Variants in NCOR2 observed in about 807,000 individuals in gnomAD.
NCOR2 encodes CTG repeat protein 26.
In NCOR2, 81 loss-of-function variants were observed where a neutral mutation model predicts 262.9. That is an observed-to-expected ratio of 0.31 (90% CI 0.26 to 0.37). The LOEUF is 0.37. NCOR2 is among the 10% of genes least tolerant of loss of function. The pLI is 1.00. For synonymous variants in NCOR2, 1,659 were observed against 1,559.3 expected (o/e 1.06, Z -1.51); for missense variants, 3,385 against 3,621.4 (o/e 0.93, Z 1.68).
Position 124,350,481 on chromosome 12 carries a change from T to C in NCOR2, c.3844+106A>G, listed in dbSNP as rs181328050. ...GATAAGGAGGTCACCACCTATCAGA[T>C]TGTGCTTTCTGATGTCAATCCAGCC... On this transcript the variant is annotated intron_variant, in intron 28 of 46. Transcript: ENST00000405201. The C allele has an allele frequency of 3.3e-3, 4,655 of 1,428,986 alleles. 188 individuals carry two copies. The highest frequency in any genetic ancestry group is 7.2e-4 in the East Asian group (31 of 43,288). 88.5% of individuals were successfully genotyped at this position (1,428,986 alleles called of 1,614,324 possible). A position where few individuals can be genotyped will look rare whatever the true frequency, so the allele number is the denominator to read the frequency against.
At chr12:124,336,785 A>G in exon 38 of NCOR2, 1 of 1,613,334 alleles carries the variant, frequency 6.2e-7, no homozygotes. Context: ...CTGGATGGAA[A>G]AGGGTTTACT....
At chr12:124,449,575 C>A (rs750033498) in intron 7 of NCOR2, among the ~76,000 whole-genome samples, 1 of 152,188 alleles carries the variant, frequency 6.6e-6, no homozygotes, top group African/African-American at 2.4e-5. Context: ...GCAGCTCCCT[C>A]GCCCACCCTC....
At position 124,346,766 on chromosome 12, in the gene NCOR2, G is replaced by T. The variant is rs757675812; in HGVS notation, c.4157C>A (p.Pro1386His). 9 of 1,558,684 alleles carry T rather than the reference G, an allele frequency of 5.8e-6. No individual in the cohort carries two copies. In the South Asian group the frequency reaches 9.4e-5, roughly 16 times the overall value. The change falls in exon 31 of 47, where the codon CCC (proline) becomes CAC (histidine). Residue 1386 changes from proline (P) to histidine (H), a missense_variant. By Grantham distance (77) the Pro-to-His change is moderately conservative. Coordinates refer to ENST00000405201, the Ensembl canonical transcript of NCOR2. ...GGTCAGGTCCCGTGAGGGCGGTGGG[G>T]GCGGAGGCGTGCCCTCCCGCTTTAG...
chr12:124,522,225 T>G (rs2050229227), intron 1 of NCOR2, among the ~76,000 whole-genome samples: 1 of 152,248 alleles, frequency 6.6e-6, no homozygotes, highest in Admixed American at 6.5e-5. Flanking sequence ...AAGACAAAAT[T>G]ACATTTTACA....
At chr12:124,325,254 G>A (rs903671043) in exon 47 of NCOR2, 4 of 480,252 alleles carry the variant, frequency 8.3e-6, no homozygotes, top group Admixed American at 8.8e-5. Context: ...CAAGGATGCC[G>A]GCTCTGGACG....
chr12:124,534,696 G>A (rs837464), intron 1 of NCOR2, among the ~76,000 whole-genome samples: 20,449 of 152,176 alleles, frequency 0.13, 1,505 homozygotes, highest in East Asian at 0.17. Context: ...TGAGCACTCC[G>A]GGAGAAACTT....
chr12:124,452,955 G>C (rs997025461), intron 6 of NCOR2, among the ~76,000 whole-genome samples: 3 of 152,126 alleles, frequency 2.0e-5, no homozygotes, highest in Non-Finnish European at 4.4e-5. Flanking sequence ...GCCACTCCCC[G>C]AGGCCCCTGA....
chr12:124,537,410 C>A (rs1473815795), upstream of NCOR2, among the ~76,000 whole-genome samples: 2 of 152,194 alleles, frequency 1.3e-5, no homozygotes, highest in African/African-American at 4.8e-5. Context: ...GGGCTGCCCC[C>A]TCCCACAAGG....
At chr12:124,383,989 C>T (rs541201310) in intron 17 of NCOR2, among the ~76,000 whole-genome samples, 3 of 150,992 alleles carry the variant, frequency 2.0e-5, no homozygotes, top group African/African-American at 7.3e-5. Flanking sequence ...CGGGGGGAGA[C>T]GTCCATGGTC....
chr12:124,325,401 G>T, exon 47 of NCOR2: 4 of 476,054 alleles, frequency 8.4e-6, no homozygotes, highest in Non-Finnish European at 9.0e-6. Context: ...CCTGTTCTGA[G>T]TCACTCGCTG....
chr12:124,348,052 C>T (rs1438367280), intron 29 of NCOR2, 122 bp downstream of exon 31: 47 of 1,508,296 alleles, frequency 3.1e-5, no homozygotes, highest in Non-Finnish European at 4.1e-5. Flanking sequence ...GGTCCCTGCG[C>T]TACCTCCAGA....
In NCOR2 at chr12:124,335,461, C is replaced by T. The variant is rs370793206; in HGVS notation, c.6265+22G>A. ...CCTCACTGTGCAGGGCTTCGGGGGC[C>T]TGGGTACTGGGTGGGGCGTACCTGG... On this transcript the variant is annotated intron_variant, in intron 39 of 46. Coordinates refer to ENST00000405201, the Ensembl canonical transcript of NCOR2. 1.6e-5 allele frequency: 25 copies of T among 1,596,358 alleles called. No homozygotes were observed. The African/African-American group carries it at 3.3e-4, about 21-fold the overall frequency.
At position 124,460,459 on chromosome 12, in the gene NCOR2, G is replaced by A. The variant is rs77757443; in HGVS notation, c.706-3297C>T. On this transcript the variant is annotated intron_variant, in intron 5 of 46. Transcript: ENST00000405201. Reference sequence around the variant, plus strand: ...CAGCGCTGGCCACCAAGCTGCTATCGTCCAGCAGGGCCCAGCACAGGGTTG... The same window carrying A: ...CAGCGCTGGCCACCAAGCTGCTATCATCCAGCAGGGCCCAGCACAGGGTTG... Among the ~76,000 whole-genome samples the A allele has an allele frequency of 6.7e-3, 1,025 of 152,320 alleles. 10 individuals are homozygous for A. Among genetic ancestry groups the A allele is most frequent in the African/African-American group, 0.023 (972 of 41,564 alleles).
chr12:124,468,231 C>T (rs1261018247), intron 4 of NCOR2, among the ~76,000 whole-genome samples: 6 of 65,108 alleles, frequency 9.2e-5, no homozygotes, highest in Admixed American at 1.5e-4. Context: ...CCCCCTCATC[C>T]TCATCACCCC....
At chr12:124,494,741 A>G (rs1401933575) in intron 1 of NCOR2, among the ~76,000 whole-genome samples, 1 of 152,316 alleles carries the variant, frequency 6.6e-6, no homozygotes, top group Middle Eastern at 3.4e-3. Context: ...AAGGAAGGGG[A>G]GCTGTGACCT....
intron 1 of NCOR2, among the ~76,000 whole-genome samples, chr12:124,501,994 G>A (rs915856126): frequency 3.3e-5 from 5 of 152,244 alleles, no homozygotes; most frequent in African/African-American, 9.6e-5. Flanking sequence ...CCAGCTCCAC[G>A]GGTCGAGCTG....
At chr12:124,567,402 C>T (rs1310297857) in exon 1 of NCOR2, 2 of 150,922 alleles carry the variant, frequency 1.3e-5, no homozygotes, top group Non-Finnish European at 3.0e-5. Flanking sequence ...GCTGGGGGCG[C>T]GCAGCAGGCC....
At chr12:124,511,803 C>A (rs187495417) in intron 1 of NCOR2, among the ~76,000 whole-genome samples, 181 of 152,364 alleles carry the variant, frequency 1.2e-3, no homozygotes, top group African/African-American at 3.8e-3. Context: ...ACAGTACCAA[C>A]CCCCGCCAGG....
rs116383736 is a variant in NCOR2 at position 124,338,735 on chromosome 12, C to T, written c.5687+1271G>A. Among the ~76,000 whole-genome samples the T allele has an allele frequency of 8.4e-3, 1,278 of 152,068 alleles. 10 individuals are homozygous for T. Among genetic ancestry groups the T allele is most frequent in the African/African-American group, 0.029 (1,214 of 41,420 alleles). On this transcript the variant is annotated intron_variant, in intron 37 of 46. Coordinates refer to ENST00000405201, the Ensembl canonical transcript of NCOR2. Reference sequence around the variant, plus strand: ...GACCGGGAAAGTCTTTCCTCACAGTCCCCATTCAGTCTCTCCCTCTCCACA... The same window carrying T: ...GACCGGGAAAGTCTTTCCTCACAGTTCCCATTCAGTCTCTCCCTCTCCACA...
Sources: gnomAD v4.1 joint callset for allele counts (sites outside exome capture counted in the v4.1 genomes callset) on GRCh38, gnomAD v4.1.1 for gene constraint, MANE v1.5 for transcripts, NCBI Gene and HGNC (gene_info 2026-07-23, HGNC 2026-07-21) for gene names.